The following RYR3 variants were observed in gnomAD, a reference collection of about 807,000 sequenced individuals.
The protein encoded by RYR3 is ryanodine receptor 3, also known as brain ryanodine receptor-calcium release channel.
A neutral mutation model predicts 584.3 loss-of-function variants in RYR3; 207 were observed. The ratio of observed to expected loss-of-function variants is 0.35; its 90% CI spans 0.32 to 0.40. The LOEUF (loss-of-function observed/expected upper bound fraction) is 0.40. Ranked by LOEUF, RYR3 falls within the 10% of genes least tolerant of loss-of-function variation. The pLI is 1.00. For synonymous variants in RYR3, 2,416 were observed against 2,248.5 expected, an observed-to-expected ratio of 1.07 and a Z score of -2.11; for missense variants, 5,616 against 6,089.2, an observed-to-expected ratio of 0.92 and a Z score of 2.59.
rs200291113 is a variant in RYR3, at chr15:33,739,813, C to A, written c.7657-19C>A. 1.2e-5 allele frequency: 20 copies of A among 1,609,344 alleles called. No homozygotes were observed. The highest frequency in any genetic ancestry group is 1.6e-5 in the Non-Finnish European group (19 of 1,176,746). The stretch of plus-strand genomic sequence containing the variant: ...GGTTCTGCTTTCTCTACTAATGTGG[C>A]CTTGTTTTTCCCTCACAGAAATATG... On this transcript the variant is annotated intron_variant, in intron 50 of 103. Transcript: ENST00000634891.
chr15:33,394,989 A>C (rs2042216262), intron 1 of RYR3, among the ~76,000 whole-genome samples: 1 of 152,034 alleles, frequency 6.6e-6, no homozygotes, highest in African/African-American at 2.4e-5. Context: ...TCCCAATCTT[A>C]GAGGGTCTGA....
intron 38 of RYR3, among the ~76,000 whole-genome samples, chr15:33,671,628 G>A (rs779708282): frequency 4.6e-5 from 7 of 152,108 alleles, no homozygotes; most frequent in South Asian, 4.2e-4. Context: ...TGGAAAGGGC[G>A]GGTCTTTTGT....
intron 20 of RYR3, among the ~76,000 whole-genome samples, chr15:33,625,320 T>C (rs750957074): frequency 2.0e-5 from 3 of 152,168 alleles, no homozygotes; most frequent in Non-Finnish European, 4.4e-5. Context: ...CGAGATGATA[T>C]TTGGGTGGGG....
At chr15:33,801,167 G>A (rs117010702) in intron 68 of RYR3, among the ~76,000 whole-genome samples, 14 of 152,268 alleles carry the variant, frequency 9.2e-5, no homozygotes, top group East Asian at 1.9e-4. Flanking sequence ...GGTAGTGGGC[G>A]TCCAGGTCAT....
chr15:33,750,152 A>G lies in RYR3; in HGVS notation c.8276-11A>G, dbSNP rs772499339. 1 of 1,609,324 alleles carries G rather than the reference A, an allele frequency of 6.2e-7. No individual in the cohort carries two copies. The highest frequency in any genetic ancestry group is 2.2e-5 in the East Asian group (1 of 44,722). Reference sequence around the variant, plus strand: ...AGAGCCAAATGTCATCTCTCACCTTACTGACCCCAGGTGGTGGCAGCCACC... The same window carrying G: ...AGAGCCAAATGTCATCTCTCACCTTGCTGACCCCAGGTGGTGGCAGCCACC... On this transcript the variant is annotated splice_polypyrimidine_tract_variant and intron_variant, in intron 56 of 103. Coordinates refer to ENST00000634891, the MANE Select transcript of RYR3 (RefSeq NM_001036.6).
Position 33,426,144 on chromosome 15 carries a change from T to C in RYR3, c.52-47275T>C, listed in dbSNP as rs141714420. 3.9e-4 allele frequency among the ~76,000 whole-genome samples: 60 copies of C among 152,352 alleles called. No homozygotes were observed. The East Asian group carries it at 8.9e-3, about 22-fold the overall frequency. On this transcript the variant is annotated intron_variant, in intron 1 of 103. Coordinates refer to ENST00000634891, the MANE Select transcript of RYR3 (RefSeq NM_001036.6). ...GGAGAAAAGTTACAGCAAAAGTATA[T>C]GTTAAGCATTCTTTGTAAAGTAGAT...
At chr15:33,333,066 CAA>C (rs1195937254) in intron 1 of RYR3, among the ~76,000 whole-genome samples, 1,833 of 55,738 alleles carry the variant, frequency 0.033, 8 homozygotes, top group Non-Finnish European at 0.045. Flanking sequence ...GCCTACCAAC[CAA>C]AAAAAAAAAA....
At chr15:33,595,370 G>A (rs661281) in intron 16 of RYR3, among the ~76,000 whole-genome samples, 68,833 of 152,028 alleles carry the variant, frequency 0.45, 16,093 homozygotes, top group East Asian at 0.79. Context: ...TAAGCCTTTT[G>A]TAACCTTTAT....
chr15:33,391,501 C>T (rs1018610833), intron 1 of RYR3, among the ~76,000 whole-genome samples: 1 of 151,934 alleles, frequency 6.6e-6, no homozygotes, highest in Non-Finnish European at 1.5e-5. Flanking sequence ...TGGCCGGCGC[C>T]TGTAGTCCCA....
chr15:33,417,934 G>A (rs971648128), intron 1 of RYR3, among the ~76,000 whole-genome samples: 8 of 152,080 alleles, frequency 5.3e-5, no homozygotes, highest in African/African-American at 1.9e-4. Context: ...CTATTGAGAT[G>A]ATCATATGGT....
chr15:33,530,540 C>A (rs990817263), intron 3 of RYR3, 52 bp from the exon 4 acceptor site: 2 of 1,280,860 alleles, frequency 1.6e-6, no homozygotes, highest in Admixed American at 1.7e-5. Flanking sequence ...GCTTGGCTCC[C>A]GGAGAAGCCA....
In RYR3 at chr15:33,550,191, G is replaced by A. The variant is rs376389929; in HGVS notation, c.847G>A (p.Ala283Thr). 1 of 1,613,864 alleles carries A rather than the reference G, an allele frequency of 6.2e-7. No homozygotes were observed. Among genetic ancestry groups the A allele is most frequent in the Non-Finnish European group, 8.5e-7 (1 of 1,179,832 alleles). ...WSGSNIRWGQ[A>T]FRLRHLTTGH... ...TGGCAGTAACATCAGATGGGGCCAGGCTTTCCGACTCCGGCATCTCACCAC... is the reference window on the plus strand; with the variant it reads ...TGGCAGTAACATCAGATGGGGCCAGACTTTCCGACTCCGGCATCTCACCAC... Residue 283 changes from alanine (A) to threonine (T), a missense_variant, in exon 10 of 104, where the codon GCT (alanine) becomes ACT (threonine). Around this residue, in one of 9 missense-constraint regions of RYR3, gnomAD observed 1,284 missense variants for 1,344.6 expected, o/e 0.95. Transcript: ENST00000634891.
intron 82 of RYR3, chr15:33,825,916 T>G: frequency 2.0e-6 from 1 of 499,938 alleles, no homozygotes; most frequent in Non-Finnish European, 3.6e-6. Flanking sequence ...GTATTTTTAG[T>G]AGAGGCAGCA....
At chr15:33,403,147 C>A (rs1481777168) in intron 1 of RYR3, among the ~76,000 whole-genome samples, 2 of 152,216 alleles carry the variant, frequency 1.3e-5, no homozygotes, top group Admixed American at 1.3e-4. Flanking sequence ...CGTTTCTGAA[C>A]CAGGACTCTA....
chr15:33,589,092 C>A (rs1454416750), intron 16 of RYR3, among the ~76,000 whole-genome samples: 1 of 152,120 alleles, frequency 6.6e-6, no homozygotes, highest in Non-Finnish European at 1.5e-5. Flanking sequence ...ATAAGCATTC[C>A]CTTTTCTCTG....
intron 14 of RYR3, among the ~76,000 whole-genome samples, chr15:33,583,524 T>C (rs539966590): frequency 6.6e-6 from 1 of 152,332 alleles, no homozygotes; most frequent in Admixed American, 6.5e-5. Context: ...CTCCCTCCCT[T>C]TCTCATTGCT....
At chr15:33,352,297 T>C (rs1453657331) in intron 1 of RYR3, among the ~76,000 whole-genome samples, 1 of 152,186 alleles carries the variant, frequency 6.6e-6, no homozygotes, top group Non-Finnish European at 1.5e-5. Context: ...CTTCTCATCC[T>C]CTTACCAGTG....
intron 3 of RYR3, among the ~76,000 whole-genome samples, chr15:33,516,774 G>A (rs976685666): frequency 2.6e-5 from 4 of 151,882 alleles, no homozygotes; most frequent in Admixed American, 6.6e-5. Flanking sequence ...TAATGTTCCC[G>A]AACCTCCCTG....
intron 22 of RYR3, among the ~76,000 whole-genome samples, chr15:33,630,610 T>A (rs2061217127): frequency 6.6e-6 from 1 of 152,194 alleles, no homozygotes; most frequent in Non-Finnish European, 1.5e-5. Context: ...AGGTCCCTTG[T>A]CCCACAGGCT....
Sources: gnomAD v4.1 joint callset for allele counts (sites outside exome capture counted in the v4.1 genomes callset) on GRCh38, gnomAD v4.1.1 for gene constraint, gnomAD v4.1.1 regional missense constraint, MANE v1.5 for transcripts, NCBI Gene and HGNC (gene_info 2026-07-23, HGNC 2026-07-21) for gene names.